DLG2: variants seen among roughly 807,000 people sequenced by gnomAD.
DLG2 encodes the protein discs large MAGUK scaffold protein 2.
A neutral mutation model predicts 132.5 loss-of-function variants in DLG2; 45 were observed. That is an observed-to-expected ratio of 0.34 (90% CI 0.27 to 0.44). DLG2 has a LOEUF of 0.44. Among genes scored for constraint, DLG2 ranks in the 20% least tolerant of loss-of-function variants. The pLI, the probability that DLG2 is intolerant of heterozygous loss-of-function variation, is 1.00. For missense variants in DLG2, 1,045 were observed against 1,196.9 expected (o/e 0.87, Z 1.87); for synonymous variants, 424 against 419.6 (o/e 1.01, Z -0.13).
chr11:85,019,905 G>A (rs576590173), intron 6 of DLG2, among the ~76,000 whole-genome samples: 44 of 152,236 alleles, frequency 2.9e-4, no homozygotes, highest in Non-Finnish European at 5.6e-4. Flanking sequence ...CTTTGCTATC[G>A]TGAATAGTGC....
intron 3 of DLG2, among the ~76,000 whole-genome samples, chr11:85,426,789 T>C (rs1430618589): frequency 2.0e-5 from 3 of 152,116 alleles, no homozygotes; most frequent in Admixed American, 1.3e-4. Flanking sequence ...ATGACTTCAA[T>C]GAGTTGAGAG....
intron 19 of DLG2, among the ~76,000 whole-genome samples, chr11:83,629,583 A>G (rs1351308297): frequency 1.3e-5 from 2 of 152,198 alleles, no homozygotes; most frequent in East Asian, 3.9e-4. Flanking sequence ...TTTAACCCCC[A>G]TATCTTTGGC....
chr11:85,446,669 G>A (rs2092023972), intron 3 of DLG2, among the ~76,000 whole-genome samples: 6 of 151,924 alleles, frequency 3.9e-5, no homozygotes, highest in Non-Finnish European at 5.9e-5. Context: ...ATTATGTAGC[G>A]TGAATCATAC....
chr11:85,110,217 C>A (rs1459576055), intron 6 of DLG2, among the ~76,000 whole-genome samples: 1 of 151,838 alleles, frequency 6.6e-6, no homozygotes, highest in Non-Finnish European at 1.5e-5. Context: ...CAAGATCAGC[C>A]TGTTCAACAG....
chr11:83,554,565 G>T (rs910380061), intron 19 of DLG2, among the ~76,000 whole-genome samples: 1 of 152,038 alleles, frequency 6.6e-6, no homozygotes, highest in Admixed American at 6.6e-5. Flanking sequence ...AACTTTTAAG[G>T]GATGCAATAA....
At chr11:83,488,094 T>C (rs1181912939) in intron 21 of DLG2, among the ~76,000 whole-genome samples, 6 of 152,016 alleles carry the variant, frequency 3.9e-5, no homozygotes, top group Admixed American at 3.9e-4. Flanking sequence ...AATAAAGCCA[T>C]TTCTTTTTAA....
chr11:83,758,247 G>C (rs529804434), intron 18 of DLG2, among the ~76,000 whole-genome samples: 1 of 152,154 alleles, frequency 6.6e-6, no homozygotes, highest in Non-Finnish European at 1.5e-5. Flanking sequence ...ATTTCCACCA[G>C]GATCTAGTTC....
chr11:84,716,036 C>T (rs913147777), intron 6 of DLG2, among the ~76,000 whole-genome samples: 3 of 152,094 alleles, frequency 2.0e-5, no homozygotes, highest in Non-Finnish European at 4.4e-5. Context: ...CAACAGTGTA[C>T]ATAGGTTCCC....
intron 16 of DLG2, among the ~76,000 whole-genome samples, chr11:83,867,625 T>C (rs1348553621): frequency 6.6e-6 from 1 of 152,208 alleles, no homozygotes; most frequent in Non-Finnish European, 1.5e-5. Context: ...ATATTTTTGC[T>C]ATTTTGTTAG....
intron 4 of DLG2, among the ~76,000 whole-genome samples, chr11:85,154,911 T>C (rs185500133): frequency 1.3e-5 from 2 of 152,298 alleles, no homozygotes; most frequent in Admixed American, 1.3e-4. Context: ...ACATGGGCTA[T>C]TCAAAAGTAA....
intron 6 of DLG2, among the ~76,000 whole-genome samples, chr11:84,569,918 A>G (rs1174468874): frequency 6.6e-6 from 1 of 152,166 alleles, no homozygotes; most frequent in Non-Finnish European, 1.5e-5. Flanking sequence ...AGCTACCTCT[A>G]TTTTGATTTC....
At chr11:84,476,946 T>G (rs1238801694) in intron 7 of DLG2, among the ~76,000 whole-genome samples, 1 of 152,114 alleles carries the variant, frequency 6.6e-6, no homozygotes, top group Non-Finnish European at 1.5e-5. Flanking sequence ...AAATGTTTGT[T>G]TTAATACACT....
intron 7 of DLG2, among the ~76,000 whole-genome samples, chr11:84,483,465 C>CA (rs11386822): frequency 1 from 148,636 of 148,640 alleles, 74,316 homozygotes; most frequent in Middle Eastern, 1. Context: ...ACCCTGCTTA[C>CA]ATTAGTCTCT....
At chr11:85,553,595 T>A (rs2076783398) in intron 3 of DLG2, among the ~76,000 whole-genome samples, 1 of 151,590 alleles carries the variant, frequency 6.6e-6, no homozygotes, top group African/African-American at 2.4e-5. Flanking sequence ...CTGAAAGAGA[T>A]TAAATGATGT....
At chr11:84,080,430 T>A (rs1478273669) in intron 10 of DLG2, among the ~76,000 whole-genome samples, 1 of 152,168 alleles carries the variant, frequency 6.6e-6, no homozygotes, top group African/African-American at 2.4e-5. Context: ...TGCTGCACTC[T>A]GAATGCTAGA....
At chr11:85,404,755 A>AAAG (rs2088553021) in intron 3 of DLG2, among the ~76,000 whole-genome samples, 3 of 152,008 alleles carry the variant, frequency 2.0e-5, no homozygotes, top group Admixed American at 2.0e-4. Context: ...AGTCTCTATC[A>AAAG]AGTTGCTCCT....
rs780537340 is a variant in DLG2, at chr11:85,549,037, GA to G, written c.40+49619del. Among the ~76,000 whole-genome samples the G allele has an allele frequency of 3.1e-4, 47 of 151,118 alleles. No individual in the cohort carries two copies. The East Asian group carries it at 4.9e-3, about 16-fold the overall frequency. On this transcript the variant is annotated intron_variant, in intron 3 of 27. Coordinates refer to ENST00000376104, the MANE Select transcript of DLG2 (RefSeq NM_001142699.3). Reference sequence around the variant, plus strand: ...GGCGTTCTGAGCACCACTGGGGTATGAAAAAAAAACTCCTGCGGCTAGTTCA... The same window carrying G: ...GGCGTTCTGAGCACCACTGGGGTATGAAAAAAAACTCCTGCGGCTAGTTCA...
At chr11:84,370,023 A>G (rs968049241) in intron 7 of DLG2, among the ~76,000 whole-genome samples, 7 of 152,158 alleles carry the variant, frequency 4.6e-5, no homozygotes, top group African/African-American at 1.7e-4. Flanking sequence ...ACAAATGAAC[A>G]ACATAAATAA....
intron 3 of DLG2, among the ~76,000 whole-genome samples, chr11:85,481,913 C>A (rs565871046): frequency 6.6e-6 from 1 of 152,142 alleles, no homozygotes; most frequent in East Asian, 1.9e-4. Context: ...GCTTCCAAAC[C>A]TGCCCCAACA....
Sources: gnomAD v4.1 joint callset for allele counts (sites outside exome capture counted in the v4.1 genomes callset) on GRCh38, gnomAD v4.1.1 for gene constraint, MANE v1.5 for transcripts, NCBI Gene and HGNC (gene_info 2026-07-23, HGNC 2026-07-21) for gene names.